PAG1: variants seen among roughly 807,000 people sequenced by gnomAD.
PAG1 encodes phosphoprotein membrane anchor with glycosphingolipid microdomains 1.
PAG1 carries 23 observed loss-of-function variants against 31.7 expected under a neutral mutation model. That is an observed-to-expected ratio of 0.73 (90% confidence interval 0.52 to 1.03). The LOEUF is 1.03. PAG1 is among the 50% of genes least tolerant of loss of function. The pLI is 0.00. For missense variants in PAG1, 473 were observed against 540.7 expected, an observed-to-expected ratio of 0.87 and a Z score of 1.24; for synonymous variants, 214 against 210.3, an observed-to-expected ratio of 1.02 and a Z score of -0.15.
chr8:81,006,436 C>T (rs1807878603), intron 3 of PAG1, among the ~76,000 whole-genome samples: 1 of 152,180 alleles, frequency 6.6e-6, no homozygotes, highest in Non-Finnish European at 1.5e-5. Flanking sequence ...CTCACTGGTT[C>T]TGTAGACAAG....
At chr8:80,984,690 A>C (rs1490519324) in intron 7 of PAG1, 86 bp downstream of exon 7, 1 of 1,267,352 alleles carries the variant, frequency 7.9e-7, no homozygotes, top group Non-Finnish European at 1.1e-6. Context: ...GTGTTTGCAG[A>C]TATTTCCCAG....
chr8:81,083,896 G>T (rs530049793), intron 1 of PAG1, among the ~76,000 whole-genome samples: 1 of 152,040 alleles, frequency 6.6e-6, no homozygotes, highest in African/African-American at 2.4e-5. Flanking sequence ...TTAGCCAGGC[G>T]TGGTGGTGCA....
intron 2 of PAG1, among the ~76,000 whole-genome samples, chr8:81,030,961 T>C (rs2130790109): frequency 6.6e-6 from 1 of 152,242 alleles, no homozygotes; most frequent in East Asian, 1.9e-4. Flanking sequence ...ATCTTGGCTG[T>C]TGACTAAGAT....
chr8:80,996,268 TG>T (rs1286863010), intron 3 of PAG1, among the ~76,000 whole-genome samples: 8 of 152,172 alleles, frequency 5.3e-5, no homozygotes, highest in Non-Finnish European at 8.8e-5. Context: ...TTTAGGGGCC[TG>T]GCAGAGTGTG....
intron 2 of PAG1, among the ~76,000 whole-genome samples, chr8:81,061,295 G>A (rs527517737): frequency 2.0e-5 from 3 of 152,298 alleles, no homozygotes; most frequent in South Asian, 4.1e-4. Flanking sequence ...AATTGATCTT[G>A]AGGGTTAACA....
chr8:80,989,798 C>T (rs1586147356), intron 5 of PAG1, among the ~76,000 whole-genome samples: 1 of 152,124 alleles, frequency 6.6e-6, no homozygotes, highest in African/African-American at 2.4e-5. Context: ...TACTGGGCCT[C>T]ACCCCCAGGA....
chr8:81,037,207 A>C (rs1484817077), intron 2 of PAG1: 1 of 152,240 alleles, frequency 6.6e-6, no homozygotes, highest in Admixed American at 6.5e-5. Flanking sequence ...GAATTCTAGG[A>C]AGCTGAAGAT....
At chr8:81,089,395 C>A (rs551448466) in intron 1 of PAG1, among the ~76,000 whole-genome samples, 3 of 152,110 alleles carry the variant, frequency 2.0e-5, no homozygotes, top group South Asian at 4.2e-4. Flanking sequence ...AGTGAAACCC[C>A]GTCTCTACTA....
chr8:80,981,139 G>A (rs1380428023), intron 7 of PAG1, among the ~76,000 whole-genome samples: 5 of 151,552 alleles, frequency 3.3e-5, no homozygotes, highest in African/African-American at 9.7e-5. Flanking sequence ...GTCCACCCCC[G>A]GCCTCAGCAC....
intron 1 of PAG1, among the ~76,000 whole-genome samples, chr8:81,090,613 G>A (rs1809428943): frequency 6.6e-6 from 1 of 152,214 alleles, no homozygotes; most frequent in Non-Finnish European, 1.5e-5. Context: ...ATGCAAATGA[G>A]GGACATTGAA....
chr8:80,987,184 C>T (rs1033826343), intron 6 of PAG1, among the ~76,000 whole-genome samples, 186 bp downstream of exon 6: 4 of 152,140 alleles, frequency 2.6e-5, no homozygotes, highest in African/African-American at 9.7e-5. Context: ...AGAACAATGC[C>T]TGGCACACAG....
At chr8:80,982,962 A>G (rs1807338968) in intron 7 of PAG1, among the ~76,000 whole-genome samples, 1 of 152,160 alleles carries the variant, frequency 6.6e-6, no homozygotes, top group Non-Finnish European at 1.5e-5. Flanking sequence ...CCTTTATTTC[A>G]AAACTGGAGT....
intron 2 of PAG1, among the ~76,000 whole-genome samples, chr8:81,036,455 G>C (rs570763232): frequency 1.6e-4 from 25 of 152,080 alleles, no homozygotes; most frequent in East Asian, 1.9e-4. Context: ...TCCCTGACAG[G>C]TTTAGTACAT....
At chr8:81,028,959 G>C (rs1808331001) in intron 3 of PAG1, among the ~76,000 whole-genome samples, 2 of 152,202 alleles carry the variant, frequency 1.3e-5, no homozygotes, top group African/African-American at 4.8e-5. Flanking sequence ...CTGCCTTCCA[G>C]AACACTAAGG....
chr8:81,028,011 G>A (rs1182548308), intron 3 of PAG1, among the ~76,000 whole-genome samples: 1 of 151,868 alleles, frequency 6.6e-6, no homozygotes, highest in African/African-American at 2.4e-5. Flanking sequence ...TGTTGGGGCT[G>A]CTGGGTGTGG....
Position 80,985,273 on chromosome 8 carries a change from A to G in PAG1, c.379T>C (p.Cys127Arg), listed in dbSNP as rs774781199. ...CTGGGCAGCTCCCGACTCTGATGAC[A>G]TTTTGGTTTCCCTGTGCTGTCCTGG... is the stretch of plus-strand genomic sequence containing the variant. The part of the protein sequence containing the change: ...DSQDSTGKPK[C>R]HQSRELPRIP... The change falls in exon 7 of 9, where the codon TGT becomes CGT. Residue 127 changes from cysteine (C) to arginine (R), a missense_variant. Cys to Arg is a radical substitution (Grantham distance 180). Coordinates refer to ENST00000220597, the MANE Select transcript of PAG1 (RefSeq NM_018440.4). 1 of 1,614,074 alleles carries G rather than the reference A, an allele frequency of 6.2e-7. No homozygotes were observed. The highest frequency in any genetic ancestry group is 8.5e-7 in the Non-Finnish European group (1 of 1,180,010).
In PAG1 at chr8:80,999,333, A is replaced by G. The variant is rs143503829; in HGVS notation, c.-80-6026T>C. 2.1e-3 allele frequency among the ~76,000 whole-genome samples: 322 copies of G among 152,326 alleles called. 2 individuals are homozygous for G. Among genetic ancestry groups the G allele is most frequent in the African/African-American group, 7.3e-3 (303 of 41,574 alleles). The stretch of plus-strand genomic sequence containing the variant: ...CAAGATCGCCCTATTCTGATCCTGC[A>G]CTGAGTCAGGGGCAGAACACACCCA... On this transcript the variant is annotated intron_variant, in intron 3 of 8. Coordinates refer to ENST00000220597, the MANE Select transcript of PAG1 (RefSeq NM_018440.4).
At chr8:81,081,062 A>G (rs1424844850) in intron 1 of PAG1, among the ~76,000 whole-genome samples, 1 of 152,162 alleles carries the variant, frequency 6.6e-6, no homozygotes, top group Non-Finnish European at 1.5e-5. Context: ...ATCAGGGCAA[A>G]TCATTCCACC....
intron 2 of PAG1, among the ~76,000 whole-genome samples, chr8:81,044,035 C>T (rs953851159): frequency 6.6e-6 from 1 of 152,160 alleles, no homozygotes; most frequent in African/African-American, 2.4e-5. Flanking sequence ...GCTTCTTGAA[C>T]GGTCAAGGCC....
Sources: gnomAD v4.1 joint callset for allele counts (sites outside exome capture counted in the v4.1 genomes callset) on GRCh38, gnomAD v4.1.1 for gene constraint, MANE v1.5 for transcripts, NCBI Gene and HGNC (gene_info 2026-07-23, HGNC 2026-07-21) for gene names.